The following EIF4H variants were observed in gnomAD, a reference collection of about 807,000 sequenced individuals.
The protein encoded by EIF4H is eukaryotic translation initiation factor 4H.
A neutral mutation model predicts 30.6 loss-of-function variants in EIF4H; 8 were observed. That is an observed-to-expected ratio of 0.26 (90% CI 0.15 to 0.47). EIF4H has a LOEUF of 0.47. Ranked by LOEUF, EIF4H falls within the 20% of genes least tolerant of loss-of-function variation. The probability of loss-of-function intolerance (pLI) is 0.99; values close to 1 mark genes in which losing one functional copy is unlikely to be tolerated. For missense variants in EIF4H, 188 were observed against 339.5 expected (o/e 0.55, Z 3.51); for synonymous variants, 106 against 122.7 (o/e 0.86, Z 0.90).
intron 2 of EIF4H, among the ~76,000 whole-genome samples, chr7:74,189,276 C>T (rs1584183562): frequency 6.6e-6 from 1 of 152,206 alleles, no homozygotes; most frequent in African/African-American, 2.4e-5. Flanking sequence ...TAAATCGGCA[C>T]TTTAAGCCTC....
intron 2 of EIF4H, among the ~76,000 whole-genome samples, chr7:74,189,002 T>C (rs1215664953): frequency 6.6e-6 from 1 of 152,070 alleles, no homozygotes; most frequent in Non-Finnish European, 1.5e-5. Context: ...TAAGTTATTA[T>C]ACACAGGGCA....
chr7:74,194,902 G>A (rs1554710483), intron 6 of EIF4H, 24 bp downstream of exon 6: 4 of 1,574,214 alleles, frequency 2.5e-6, no homozygotes, highest in Non-Finnish European at 3.5e-6. Flanking sequence ...TGTCAGTGGA[G>A]GGCATCTTGT....
chr7:74,184,704 T>C (rs1351717423), intron 1 of EIF4H, among the ~76,000 whole-genome samples: 2 of 152,104 alleles, frequency 1.3e-5, no homozygotes, highest in African/African-American at 2.4e-5. Flanking sequence ...GTTTTTTGTG[T>C]TTTTTTGTTT....
At chr7:74,189,978 A>G (rs782575566) in intron 4 of EIF4H, 60 bp downstream of exon 4, 3 of 1,575,334 alleles carry the variant, frequency 1.9e-6, no homozygotes, top group Admixed American at 3.5e-5. Flanking sequence ...ACCAATTCCA[A>G]CTCGTGAACG....
intron 2 of EIF4H, among the ~76,000 whole-genome samples, chr7:74,189,449 C>T (rs1358993429): frequency 6.6e-6 from 1 of 152,184 alleles, no homozygotes; most frequent in Non-Finnish European, 1.5e-5. Flanking sequence ...AGAAACGCAG[C>T]TGCTATTTCA....
At chr7:74,192,679 TTC>T (rs1259335488) in intron 5 of EIF4H, among the ~76,000 whole-genome samples, 3,466 of 31,510 alleles carry the variant, frequency 0.11, 406 homozygotes, top group East Asian at 0.37. Flanking sequence ...TTTTTTTTTT[TTC>T]TTTTTTTTTT....
chr7:74,184,436 A>G (rs1321072275), intron 1 of EIF4H, among the ~76,000 whole-genome samples: 1 of 152,082 alleles, frequency 6.6e-6, no homozygotes, highest in Non-Finnish European at 1.5e-5. Context: ...TTTAGTTTTT[A>G]TGTATATGTT....
Position 74,195,437 on chromosome 7 carries a change from C to T in EIF4H, c.*129C>T. 1 of 1,051,692 alleles carries T rather than the reference C, an allele frequency of 9.5e-7. No individual in the cohort carries two copies. The highest frequency in any genetic ancestry group is 1.4e-6 in the Non-Finnish European group (1 of 734,324). 65.1% of individuals were successfully genotyped at this position (1,051,692 alleles called of 1,614,324 possible). On this transcript the variant is annotated 3_prime_UTR_variant, in exon 7 of 7. Coordinates refer to ENST00000265753, the MANE Select transcript of EIF4H (RefSeq NM_022170.2). Reference sequence around the variant, plus strand: ...TGGCCTCCTCACAGCGGAAACACAGCTTGTGAGTGCATGTCAGCTGTTAAC... The same window carrying T: ...TGGCCTCCTCACAGCGGAAACACAGTTTGTGAGTGCATGTCAGCTGTTAAC...
chr7:74,180,985 C>T (rs1052235956), intron 1 of EIF4H, among the ~76,000 whole-genome samples: 4 of 152,186 alleles, frequency 2.6e-5, no homozygotes, highest in Non-Finnish European at 4.4e-5. Flanking sequence ...ATACTCCTGC[C>T]TTGACCTCCT....
chr7:74,183,427 T>G (rs1801010094), intron 1 of EIF4H, among the ~76,000 whole-genome samples: 1 of 152,196 alleles, frequency 6.6e-6, no homozygotes, highest in Non-Finnish European at 1.5e-5. Flanking sequence ...CACTTGGTAC[T>G]TAGGAAATGT....
Position 74,174,401 on chromosome 7 carries a change from C to G in EIF4H, c.18C>G (p.Thr6=). Residue 6 remains threonine (T), a synonymous_variant, in exon 1 of 7, where the codon ACC becomes ACG. Coordinates refer to ENST00000265753, the MANE Select transcript of EIF4H (RefSeq NM_022170.2). MADFD[T]YDDRAYSSFG... is the part of the protein sequence containing the mutation. Reference sequence around the variant, plus strand: ...GACGGCAAATGGCGGACTTCGACACCTACGACGATCGGGCCTACAGCAGCT... The same window carrying G: ...GACGGCAAATGGCGGACTTCGACACGTACGACGATCGGGCCTACAGCAGCT... 6.8e-7 allele frequency: 1 copy of G among 1,463,228 alleles called. No homozygotes were observed. Among genetic ancestry groups the G allele is most frequent in the Non-Finnish European group, 9.1e-7 (1 of 1,093,896 alleles). 90.6% of individuals were successfully genotyped at this position (1,463,228 alleles called of 1,614,324 possible). A position where few individuals can be genotyped will look rare whatever the true frequency, so the allele number is the denominator to read the frequency against.
chr7:74,195,010 G>A (rs1554710504), intron 6 of EIF4H, 132 bp downstream of exon 6: 1 of 1,501,246 alleles, frequency 6.7e-7, no homozygotes. Flanking sequence ...CTCTGGAATA[G>A]CAAGTTCACC....
Position 74,174,393 on chromosome 7 carries a change from T to C in EIF4H, c.10T>C (p.Phe4Leu). 6.9e-7 allele frequency: 1 copy of C among 1,459,694 alleles called. No homozygotes were observed. The highest frequency in any genetic ancestry group is 9.2e-7 in the Non-Finnish European group (1 of 1,091,964). The allele number at this position is 1,459,694 out of a possible 1,614,324, so 90.4% of individuals were successfully genotyped here. A position where few individuals can be genotyped will look rare whatever the true frequency, so the allele number is the denominator to read the frequency against. The change falls in exon 1 of 7, where the codon TTC (phenylalanine) becomes CTC (leucine). Residue 4 changes from phenylalanine (F) to leucine (L), a missense_variant. Physicochemically the swap from Phe to Leu is conservative, Grantham distance 22 (BLOSUM62 0). Transcript: ENST00000265753. ...GGAGCGGAGACGGCAAATGGCGGACTTCGACACCTACGACGATCGGGCCTA... is the reference window on the plus strand; with the variant it reads ...GGAGCGGAGACGGCAAATGGCGGACCTCGACACCTACGACGATCGGGCCTA... MAD[F>L]DTYDDRAYSS...
At chr7:74,175,828 A>G in intron 1 of EIF4H, among the ~76,000 whole-genome samples, 1 of 152,094 alleles carries the variant, frequency 6.6e-6, no homozygotes, top group East Asian at 1.9e-4. Context: ...TTGGGACTAC[A>G]ATAAGGTGAC....
At chr7:74,179,878 ACT>A (rs1257851582) in intron 1 of EIF4H, among the ~76,000 whole-genome samples, 1 of 151,964 alleles carries the variant, frequency 6.6e-6, no homozygotes, top group Non-Finnish European at 1.5e-5. Context: ...GTTTTCCGAA[ACT>A]CTTTTTTGCT....
At chr7:74,178,664 T>G (rs1390483588) in intron 1 of EIF4H, among the ~76,000 whole-genome samples, 3 of 152,162 alleles carry the variant, frequency 2.0e-5, no homozygotes, top group Non-Finnish European at 4.4e-5. Flanking sequence ...AGGATCACAC[T>G]CTGGCTTCCA....
intron 1 of EIF4H, among the ~76,000 whole-genome samples, chr7:74,184,270 A>C (rs1801033238): frequency 6.6e-6 from 1 of 152,174 alleles, no homozygotes; most frequent in African/African-American, 2.4e-5. Flanking sequence ...TCCTGTGCTC[A>C]ATCAGGGGTC....
At chr7:74,192,862 G>A (rs1344882756) in intron 5 of EIF4H, among the ~76,000 whole-genome samples, 2 of 151,554 alleles carry the variant, frequency 1.3e-5, no homozygotes, top group Non-Finnish European at 2.9e-5. Flanking sequence ...ATTTTTAGTA[G>A]AGACGGGGTC....
At chr7:74,192,952 A>C (rs1052021615) in intron 5 of EIF4H, among the ~76,000 whole-genome samples, 1 of 152,186 alleles carries the variant, frequency 6.6e-6, no homozygotes, top group Non-Finnish European at 1.5e-5. Context: ...TGCTGGGATT[A>C]CAGGCGTGAG....
Sources: gnomAD v4.1 joint callset for allele counts (sites outside exome capture counted in the v4.1 genomes callset) on GRCh38, gnomAD v4.1.1 for gene constraint, MANE v1.5 for transcripts, NCBI Gene and HGNC (gene_info 2026-07-23, HGNC 2026-07-21) for gene names.